Variants in MYRIP observed in about 807,000 individuals in gnomAD.
MYRIP encodes myosin VIIA and Rab interacting protein.
A neutral mutation model predicts 98.0 loss-of-function variants in MYRIP; 49 were observed. The ratio of observed to expected loss-of-function variants is 0.50; its 90% confidence interval spans 0.40 to 0.63. The LOEUF (loss-of-function observed/expected upper bound fraction) is 0.63. MYRIP is among the 30% of genes least tolerant of loss of function. The pLI, the probability that MYRIP is intolerant of heterozygous loss-of-function variation, is 0.00. For missense variants in MYRIP, 1,004 were observed against 1,058.2 expected (o/e 0.95, Z 0.71); for synonymous variants, 404 against 409.5 (o/e 0.99, Z 0.16).
rs572710791 is a variant in MYRIP, at chr3:39,836,701, T to G, written c.-31+26785T>G. On this transcript the variant is annotated intron_variant, in intron 1 of 16. Coordinates refer to ENST00000302541, the MANE Select transcript of MYRIP (RefSeq NM_015460.4). ...CACTCACAGACTCCGAGGAGAGTCATGTAAAGAATGGCAGCCGCCACCCTG... is the reference window on the plus strand; with the variant it reads ...CACTCACAGACTCCGAGGAGAGTCAGGTAAAGAATGGCAGCCGCCACCCTG... 3.3e-5 allele frequency among the ~76,000 whole-genome samples: 5 copies of G among 152,318 alleles called. No individual in the cohort carries two copies. The South Asian group carries it at 1.0e-3, about 32-fold the overall frequency.
intron 2 of MYRIP, among the ~76,000 whole-genome samples, chr3:40,031,909 A>G (rs967387164): frequency 1.3e-5 from 2 of 152,038 alleles, no homozygotes; most frequent in South Asian, 2.1e-4. Flanking sequence ...CTAGCCGTCT[A>G]TCAATTTTGT....
intron 2 of MYRIP, among the ~76,000 whole-genome samples, chr3:39,975,867 T>C (rs1463487698): frequency 2.0e-5 from 3 of 152,264 alleles, no homozygotes; most frequent in Admixed American, 6.5e-5. Flanking sequence ...TGAAACTGGA[T>C]CCCTTCCTTA....
chr3:39,978,468 T>C (rs1945807417), intron 2 of MYRIP, among the ~76,000 whole-genome samples: 2 of 152,218 alleles, frequency 1.3e-5, no homozygotes, highest in South Asian at 2.1e-4. Context: ...ACCTTGAGGC[T>C]GTGCAAAGTG....
At chr3:40,071,810 T>C (rs1476666344) in intron 3 of MYRIP, among the ~76,000 whole-genome samples, 1 of 152,158 alleles carries the variant, frequency 6.6e-6, no homozygotes, top group Non-Finnish European at 1.5e-5. Context: ...AAGGATTTTA[T>C]TGGTCATGTA....
intron 2 of MYRIP, among the ~76,000 whole-genome samples, chr3:39,963,020 A>G (rs921294853): frequency 1.3e-5 from 2 of 152,178 alleles, no homozygotes; most frequent in African/African-American, 4.8e-5. Flanking sequence ...TGTGCAAATA[A>G]TTCAGTAAGC....
chr3:39,817,372 G>A (rs188011862), intron 1 of MYRIP, among the ~76,000 whole-genome samples: 17 of 152,286 alleles, frequency 1.1e-4, no homozygotes, highest in Admixed American at 9.2e-4. Flanking sequence ...TGTCAGAAAC[G>A]TCAAATGCTC....
chr3:40,255,694 T>A (rs970936500), intron 16 of MYRIP, among the ~76,000 whole-genome samples: 1 of 152,204 alleles, frequency 6.6e-6, no homozygotes. Context: ...ATTTGGCAGA[T>A]AGTAGAGCAA....
chr3:40,167,276 C>G, intron 7 of MYRIP, 37 bp downstream of exon 7: 1 of 1,586,026 alleles, frequency 6.3e-7, no homozygotes, highest in Non-Finnish European at 8.7e-7. Context: ...CTGCAGTTTC[C>G]TGGCTGGGCC....
chr3:39,872,850 C>A (rs1942846251), intron 1 of MYRIP, among the ~76,000 whole-genome samples: 1 of 152,152 alleles, frequency 6.6e-6, no homozygotes, highest in African/African-American at 2.4e-5. Flanking sequence ...TGGGTATATA[C>A]CCAGTAATGG....
chr3:40,083,067 C>T (rs1032056315), intron 3 of MYRIP, among the ~76,000 whole-genome samples: 3 of 152,214 alleles, frequency 2.0e-5, no homozygotes, highest in African/African-American at 4.8e-5. Flanking sequence ...AGGGAGCTCA[C>T]AGGAATTTAG....
intron 2 of MYRIP, among the ~76,000 whole-genome samples, chr3:39,941,518 TAC>T (rs1265755785): frequency 1.3e-5 from 2 of 151,086 alleles, no homozygotes; most frequent in Admixed American, 1.3e-4. Context: ...TGTATATATA[TAC>T]ACACACACAC....
At chr3:40,223,234 A>C (rs1474716105) in intron 11 of MYRIP, among the ~76,000 whole-genome samples, 2 of 114,392 alleles carry the variant, frequency 1.7e-5, no homozygotes, top group Admixed American at 1.0e-4. Flanking sequence ...AAAAGAGTCT[A>C]AAAATCAAAA....
intron 2 of MYRIP, among the ~76,000 whole-genome samples, chr3:40,035,864 T>C (rs1947370454): frequency 1.3e-5 from 2 of 151,898 alleles, no homozygotes; most frequent in South Asian, 2.1e-4. Flanking sequence ...TCTGGAAATA[T>C]GAAACTCAAT....
At chr3:39,979,813 A>G (rs1945845626) in intron 2 of MYRIP, among the ~76,000 whole-genome samples, 1 of 152,256 alleles carries the variant, frequency 6.6e-6, no homozygotes. Flanking sequence ...ATTTTCAAAT[A>G]AACACAGCCA....
intron 3 of MYRIP, among the ~76,000 whole-genome samples, chr3:40,070,171 A>T (rs957707316): frequency 3.3e-5 from 5 of 152,192 alleles, no homozygotes; most frequent in African/African-American, 1.2e-4. Context: ...CATAATTCTT[A>T]TAGAGAACAT....
chr3:39,874,714 T>G (rs12637195), intron 1 of MYRIP, among the ~76,000 whole-genome samples: 13,826 of 152,198 alleles, frequency 0.091, 897 homozygotes, highest in African/African-American at 0.18. Flanking sequence ...GTGGATAAGC[T>G]TTTTGATGTG....
intron 2 of MYRIP, among the ~76,000 whole-genome samples, chr3:39,931,056 G>A (rs1364003203): frequency 1.3e-5 from 2 of 151,862 alleles, no homozygotes; most frequent in South Asian, 2.1e-4. Flanking sequence ...TGCAAAAATC[G>A]ATAACAAAAG....
chr3:40,125,263 A>G (rs1949501582), intron 3 of MYRIP, among the ~76,000 whole-genome samples: 1 of 152,210 alleles, frequency 6.6e-6, no homozygotes, highest in Non-Finnish European at 1.5e-5. Context: ...ATTAACTTAC[A>G]TGATCACAAG....
rs188851523 is a variant in MYRIP at position 39,850,806 on chromosome 3, G to A, written c.-31+40890G>A. Among the ~76,000 whole-genome samples, 5 of 152,260 alleles carry A rather than the reference G, an allele frequency of 3.3e-5. No individual in the cohort carries two copies. In the East Asian group the frequency reaches 5.8e-4, roughly 18 times the overall value. ...CACTTTTATTACAGACAGAAGAAAC[G>A]TACCAGACTTTTACATAGTAGAGAG... On this transcript the variant is annotated intron_variant, in intron 1 of 16. Coordinates refer to ENST00000302541, the MANE Select transcript of MYRIP (RefSeq NM_015460.4).
Sources: allele counts gnomAD v4.1 joint callset (sites outside exome capture counted in the v4.1 genomes callset), GRCh38; gene constraint gnomAD v4.1.1; transcripts MANE v1.5; gene names NCBI Gene and HGNC (gene_info 2026-07-23, HGNC 2026-07-21).